ATXN1: variants seen among roughly 807,000 people sequenced by gnomAD.
ATXN1 encodes the protein ataxin 1.
A neutral mutation model predicts 56.4 loss-of-function variants in ATXN1; 8 were observed. The ratio of observed to expected loss-of-function variants is 0.14; its 90% confidence interval spans 0.08 to 0.26. The LOEUF (loss-of-function observed/expected upper bound fraction) is 0.26. Among genes scored for constraint, ATXN1 ranks in the 10% least tolerant of loss-of-function variants. ATXN1 has a pLI of 1.00. For missense variants in ATXN1, 987 were observed against 1,106.5 expected (o/e 0.89, Z 1.53); for synonymous variants, 514 against 494.6 (o/e 1.04, Z -0.52).
At position 16,326,205 on chromosome 6, in the gene ATXN1, C is replaced by A. The variant is rs150692969; in HGVS notation, c.1917+189G>T. Among the ~76,000 whole-genome samples the A allele has an allele frequency of 6.6e-6, 1 of 152,210 alleles. No individual in the cohort carries two copies. Among genetic ancestry groups the A allele is most frequent in the African/African-American group, 2.4e-5 (1 of 41,452 alleles). On this transcript the variant is annotated intron_variant, in intron 7 of 7. Coordinates refer to ENST00000436367, the MANE Select transcript of ATXN1 (RefSeq NM_001128164.2). This position sits in a 1 kb window ranked among gnomAD's most constrained non-coding sequence, Gnocchi z 6.6. ...CATGCATGGAGGTTAATTCATTACACACAGCAGAGATCACGGGGAAATGGG... is the reference window on the plus strand; with the variant it reads ...CATGCATGGAGGTTAATTCATTACAAACAGCAGAGATCACGGGGAAATGGG...
chr6:16,616,476 G>C (rs181280744), intron 3 of ATXN1, among the ~76,000 whole-genome samples: 90 of 149,826 alleles, frequency 6.0e-4, no homozygotes, highest in African/African-American at 1.6e-3. Context: ...GGAGGCAGAG[G>C]CTGCAGGGAG....
intron 6 of ATXN1, among the ~76,000 whole-genome samples, chr6:16,453,563 CA>C (rs1324143852): frequency 6.6e-6 from 1 of 152,080 alleles, no homozygotes; most frequent in Non-Finnish European, 1.5e-5. Context: ...GAAATGTATG[CA>C]AAAAATATCA....
intron 2 of ATXN1, among the ~76,000 whole-genome samples, chr6:16,689,146 C>T (rs1264709855): frequency 6.6e-6 from 1 of 152,040 alleles, no homozygotes; most frequent in Non-Finnish European, 1.5e-5. Flanking sequence ...ACAATACATA[C>T]TCTTTTGGAT....
intron 5 of ATXN1, among the ~76,000 whole-genome samples, chr6:16,496,966 A>G (rs1760792760): frequency 6.6e-6 from 1 of 152,170 alleles, no homozygotes; most frequent in Non-Finnish European, 1.5e-5. Flanking sequence ...TCACACTTAC[A>G]ACTCCTAATA....
At chr6:16,513,588 T>C (rs573790618) in intron 5 of ATXN1, among the ~76,000 whole-genome samples, 2 of 152,256 alleles carry the variant, frequency 1.3e-5, no homozygotes, top group African/African-American at 4.8e-5. Context: ...CAAATCAATC[T>C]AACAGGCCAC....
At chr6:16,315,427 G>A (rs180001) in intron 7 of ATXN1, among the ~76,000 whole-genome samples, 101,704 of 151,970 alleles carry the variant, frequency 0.67, 35,102 homozygotes, top group African/African-American at 0.85. Context: ...TCACTCGCTC[G>A]GTCACCACAT....
intron 6 of ATXN1, among the ~76,000 whole-genome samples, chr6:16,344,386 T>C (rs984546120): frequency 6.6e-6 from 1 of 152,140 alleles, no homozygotes; most frequent in Non-Finnish European, 1.5e-5. Context: ...CCAAAGGAGA[T>C]AAACATTTGG....
intron 6 of ATXN1, among the ~76,000 whole-genome samples, chr6:16,363,759 G>C (rs1386668138): frequency 6.6e-6 from 1 of 152,162 alleles, no homozygotes; most frequent in Admixed American, 6.5e-5. Flanking sequence ...GAATGACTTG[G>C]AGTGGCAGGT....
intron 6 of ATXN1, among the ~76,000 whole-genome samples, chr6:16,458,546 G>A (rs115323417): frequency 0.016 from 2,464 of 152,244 alleles, 75 homozygotes; most frequent in African/African-American, 0.055. Flanking sequence ...CCTGGCAACC[G>A]CGGTGTTCTC....
chr6:16,315,114 C>T (rs1156292433), intron 7 of ATXN1, among the ~76,000 whole-genome samples: 1 of 152,106 alleles, frequency 6.6e-6, no homozygotes, highest in Non-Finnish European at 1.5e-5. Flanking sequence ...ACCACACTAT[C>T]CGATGACGTC....
chr6:16,585,763 C>T lies in ATXN1; in HGVS notation c.-361+17G>A, dbSNP rs1236588968. ...CAATGATAATTATTTTCCTTTAAAG[C>T]TTTTGGAGATGTTTACCTGTACCAT... On this transcript the variant is annotated intron_variant, in intron 4 of 7. Coordinates refer to ENST00000436367, the MANE Select transcript of ATXN1 (RefSeq NM_001128164.2). The T allele has an allele frequency of 5.3e-5, 8 of 152,148 alleles. No individual in the cohort carries two copies. Among genetic ancestry groups the T allele is most frequent in the Admixed American group, 3.3e-4 (5 of 15,270 alleles). The allele number at this position is 152,148 out of a possible 1,614,324, so 9.4% of individuals were successfully genotyped here. A position where few individuals can be genotyped will look rare whatever the true frequency, so the allele number is the denominator to read the frequency against.
At chr6:16,711,132 A>G (rs2113454282) in intron 2 of ATXN1, among the ~76,000 whole-genome samples, 1 of 152,360 alleles carries the variant, frequency 6.6e-6, no homozygotes, top group South Asian at 2.1e-4. Context: ...TAAAACACAT[A>G]TAAAACCAAA....
At chr6:16,515,328 T>G (rs1402347503) in intron 5 of ATXN1, among the ~76,000 whole-genome samples, 2 of 152,082 alleles carry the variant, frequency 1.3e-5, no homozygotes, top group African/African-American at 4.8e-5. Flanking sequence ...CCCAACTTGT[T>G]GAAAAATCTC....
At chr6:16,347,268 A>T (rs1761434870) in intron 6 of ATXN1, among the ~76,000 whole-genome samples, 1 of 152,216 alleles carries the variant, frequency 6.6e-6, no homozygotes, top group African/African-American at 2.4e-5. Flanking sequence ...GCCTCTGTGA[A>T]GATCCACTAG....
intron 6 of ATXN1, among the ~76,000 whole-genome samples, chr6:16,386,234 A>T (rs954049706): frequency 1.3e-5 from 2 of 152,168 alleles, no homozygotes; most frequent in African/African-American, 2.4e-5. Flanking sequence ...CCTCCTTGCC[A>T]TTCTGCCCTT....
chr6:16,386,781 C>T (rs1332104877), intron 6 of ATXN1, among the ~76,000 whole-genome samples: 3 of 152,170 alleles, frequency 2.0e-5, no homozygotes. Flanking sequence ...GGCTCATAGG[C>T]TGAATGCCTC....
intron 6 of ATXN1, among the ~76,000 whole-genome samples, chr6:16,406,716 C>T (rs1014596671): frequency 1.4e-4 from 21 of 152,200 alleles, no homozygotes; most frequent in African/African-American, 5.1e-4. Flanking sequence ...GTTCCTCTTC[C>T]TTATTTGAAG....
At position 16,618,156 on chromosome 6, in the gene ATXN1, C is replaced by T. The variant is rs542329533; in HGVS notation, c.-488-32249G>A. 3.6e-4 allele frequency among the ~76,000 whole-genome samples: 54 copies of T among 152,094 alleles called. No individual in the cohort carries two copies. The East Asian group carries it at 0.01, about 28-fold the overall frequency. ...GAAACCATCATTCTCAGCAAACTAA[C>T]CCAGGAACAGAAAACCAAACACCGC... is the stretch of plus-strand genomic sequence containing the variant. On this transcript the variant is annotated intron_variant, in intron 3 of 7. Coordinates refer to ENST00000436367, the MANE Select transcript of ATXN1 (RefSeq NM_001128164.2).
intron 2 of ATXN1, among the ~76,000 whole-genome samples, chr6:16,671,621 T>C (rs1758544278): frequency 6.6e-6 from 1 of 152,192 alleles, no homozygotes; most frequent in East Asian, 1.9e-4. Flanking sequence ...AAAAAGGGAC[T>C]CACAGAGTCT....
Sources: allele counts gnomAD v4.1 joint callset (sites outside exome capture counted in the v4.1 genomes callset), GRCh38; gene constraint gnomAD v4.1.1; non-coding constraint Gnocchi (gnomAD v3.1); transcripts MANE v1.5; gene names NCBI Gene and HGNC (gene_info 2026-07-23, HGNC 2026-07-21).